The following ANKFY1 variants were observed in gnomAD, a reference collection of about 807,000 sequenced individuals.
ANKFY1 encodes the protein ankyrin repeat and FYVE domain-containing protein 1.
In ANKFY1, 47 loss-of-function variants were observed where a neutral mutation model predicts 128.3. That is an observed-to-expected ratio of 0.37 (90% CI 0.29 to 0.47). ANKFY1 has a LOEUF of 0.47. ANKFY1 is among the 20% of genes least tolerant of loss of function. The pLI, the probability that ANKFY1 is intolerant of heterozygous loss-of-function variation, is 1.00. For missense variants in ANKFY1, 1,222 were observed against 1,510.6 expected, an observed-to-expected ratio of 0.81 and a Z score of 3.17; for synonymous variants, 553 against 601.6, an observed-to-expected ratio of 0.92 and a Z score of 1.18.
rs2059171541 is a variant in ANKFY1, at chr17:4,164,159, G to A, written c.*3620C>T. 1 of 152,562 alleles carries A rather than the reference G, an allele frequency of 6.6e-6. No individual in the cohort carries two copies. The highest frequency in any genetic ancestry group is 2.4e-5 in the African/African-American group (1 of 41,452). The allele number at this position is 152,562 out of a possible 1,614,324, so 9.5% of individuals were successfully genotyped here. On this transcript the variant is annotated 3_prime_UTR_variant, in exon 25 of 25. Transcript: ENST00000341657. ...GGGATCACACAGGGATGTCGTAACA[G>A]CCAACTCCACACATCTGCCAAAAAA...
Position 4,169,355 on chromosome 17 carries a change from G to A in ANKFY1, c.3287-67C>T. 2 of 1,231,102 alleles carry A rather than the reference G, an allele frequency of 1.6e-6. No individual in the cohort carries two copies. The highest frequency in any genetic ancestry group is 2.3e-6 in the Non-Finnish European group (2 of 862,066). The allele number at this position is 1,231,102 out of a possible 1,614,324, so 76.3% of individuals were successfully genotyped here. A position where few individuals can be genotyped will look rare whatever the true frequency, so the allele number is the denominator to read the frequency against. ...GGCGCCACGCAAGCCCCAGGGCTTG[G>A]AGGCAGCAGGAACACAGACCCGTAA... On this transcript the variant is annotated intron_variant, in intron 23 of 24. Coordinates refer to ENST00000341657, the MANE Select transcript of ANKFY1 (RefSeq NM_001330063.2). This position sits in a 1 kb window ranked among gnomAD's most constrained non-coding sequence, Gnocchi z 5.0.
intron 11 of ANKFY1, chr17:4,186,681 TC>T: frequency 2.7e-6 from 1 of 375,144 alleles, no homozygotes; most frequent in South Asian, 1.1e-4. Flanking sequence ...CCCAAGTATG[TC>T]CTCTTCCTCC....
chr17:4,185,106 G>A (rs1012226380), intron 11 of ANKFY1, 60 bp from the exon 12 acceptor site: 58 of 1,499,342 alleles, frequency 3.9e-5, no homozygotes, highest in African/African-American at 1.2e-4. Flanking sequence ...CACAAAGAGC[G>A]TGGCAGCCTA....
At chr17:4,195,363 T>C in intron 9 of ANKFY1, 40 bp downstream of exon 9, 1 of 1,591,356 alleles carries the variant, frequency 6.3e-7, no homozygotes, top group Non-Finnish European at 8.6e-7. Flanking sequence ...CAATCCCCCC[T>C]CACAACCGCC....
At chr17:4,177,052 G>T (rs781418519) in intron 19 of ANKFY1, 74 bp downstream of exon 19, 55 of 1,395,176 alleles carry the variant, frequency 3.9e-5, no homozygotes, top group Non-Finnish European at 5.1e-5. Context: ...AAGCACCTGT[G>T]ATGAGATTCT....
At chr17:4,193,624 C>T (rs572327248) in intron 10 of ANKFY1, among the ~76,000 whole-genome samples, 2 of 151,952 alleles carry the variant, frequency 1.3e-5, no homozygotes, top group African/African-American at 4.8e-5. Flanking sequence ...CGGTGTTTCA[C>T]CATGTTGGCC....
chr17:4,257,832 G>A (rs955832484), intron 1 of ANKFY1, among the ~76,000 whole-genome samples: 4 of 152,144 alleles, frequency 2.6e-5, no homozygotes, highest in East Asian at 1.9e-4. Flanking sequence ...TCCTCCTCCC[G>A]ACAGTACCTT....
chr17:4,255,184 C>G (rs1968049218), intron 1 of ANKFY1, among the ~76,000 whole-genome samples: 1 of 152,056 alleles, frequency 6.6e-6, no homozygotes, highest in South Asian at 2.1e-4. Flanking sequence ...CTCTACACTC[C>G]TATAGTTCTT....
At chr17:4,263,077 C>A (rs974812910) in intron 1 of ANKFY1, among the ~76,000 whole-genome samples, 2 of 152,180 alleles carry the variant, frequency 1.3e-5, no homozygotes, top group African/African-American at 4.8e-5. Flanking sequence ...TGCCCAGATC[C>A]AACAATGTCC....
intron 16 of ANKFY1, chr17:4,180,400 G>A (rs922401724): frequency 6.5e-6 from 1 of 153,412 alleles, no homozygotes; most frequent in Non-Finnish European, 1.4e-5. Context: ...TGGCGCCATT[G>A]TACTCCAGCC....
At position 4,227,410 on chromosome 17, in the gene ANKFY1, G is replaced by A. The variant is rs544975616; in HGVS notation, c.322+8362C>T. 8.8e-4 allele frequency among the ~76,000 whole-genome samples: 134 copies of A among 152,228 alleles called. 4 individuals carry two copies. In the South Asian group the frequency reaches 0.026, roughly 30 times the overall value. ...GGAATGCAATCTTAGTTTAACATCT[G>A]TAATTCATCAAAAATTATATAATCA... On this transcript the variant is annotated intron_variant, in intron 3 of 24. Transcript: ENST00000341657.
intron 8 of ANKFY1, among the ~76,000 whole-genome samples, chr17:4,196,821 A>C (rs1240198759): frequency 1.3e-5 from 2 of 152,194 alleles, no homozygotes; most frequent in Non-Finnish European, 2.9e-5. Flanking sequence ...TTCAAACATG[A>C]GATACAAATT....
chr17:4,232,300 T>A (rs906796767), intron 3 of ANKFY1, among the ~76,000 whole-genome samples: 5 of 152,102 alleles, frequency 3.3e-5, no homozygotes, highest in African/African-American at 7.2e-5. Flanking sequence ...AGGTATCACA[T>A]AACACACAGG....
chr17:4,233,425 T>G (rs2060548439), intron 3 of ANKFY1, among the ~76,000 whole-genome samples: 1 of 152,116 alleles, frequency 6.6e-6, no homozygotes, highest in Admixed American at 6.5e-5. Context: ...ACCCTCCCAG[T>G]AAAAAACTAT....
chr17:4,183,997 C>T (rs2059565004), intron 12 of ANKFY1, 87 bp from the exon 13 acceptor site: 1 of 1,113,796 alleles, frequency 9.0e-7, no homozygotes, highest in African/African-American at 1.5e-5. Context: ...ACTCAAACTG[C>T]CTGTTGGGTA....
At chr17:4,177,478 C>T (rs926438868) in intron 18 of ANKFY1, among the ~76,000 whole-genome samples, 176 bp from the exon 19 acceptor site, 1 of 152,064 alleles carries the variant, frequency 6.6e-6, no homozygotes, top group Non-Finnish European at 1.5e-5. Context: ...CCCACAGACC[C>T]ACTCTACACA....
At chr17:4,229,392 C>G (rs1433526432) in intron 3 of ANKFY1, among the ~76,000 whole-genome samples, 1 of 151,444 alleles carries the variant, frequency 6.6e-6, no homozygotes, top group Non-Finnish European at 1.5e-5. Flanking sequence ...CCACTGCACT[C>G]CAGCCTGGGT....
At position 4,182,164 on chromosome 17, in the gene ANKFY1, C is replaced by T. The variant is rs1451717838; in HGVS notation, c.2121+17G>A. 6 of 1,475,014 alleles carry T rather than the reference C, an allele frequency of 4.1e-6. No individual in the cohort carries two copies. Among genetic ancestry groups the T allele is most frequent in the Non-Finnish European group, 5.5e-6 (6 of 1,097,566 alleles). The allele number at this position is 1,475,014 out of a possible 1,614,324, so 91.4% of individuals were successfully genotyped here. On this transcript the variant is annotated intron_variant, in intron 15 of 24. Transcript: ENST00000341657. ...ATCCCCATCTGTAAACAGAGGCTAA[C>T]GTTGTGCCTGTCTCACCAGAGTGGA...
intron 2 of ANKFY1, among the ~76,000 whole-genome samples, chr17:4,236,981 C>G (rs979572938): frequency 4.0e-5 from 6 of 151,806 alleles, no homozygotes; most frequent in African/African-American, 1.5e-4. Context: ...ACTAAAAATA[C>G]AAAAATTAGC....
Sources: allele counts gnomAD v4.1 joint callset (sites outside exome capture counted in the v4.1 genomes callset), GRCh38; gene constraint gnomAD v4.1.1; non-coding constraint Gnocchi (gnomAD v3.1); transcripts MANE v1.5; gene names NCBI Gene and HGNC (gene_info 2026-07-23, HGNC 2026-07-21).